NEK1: variants seen among roughly 807,000 people sequenced by gnomAD.
NEK1 encodes NIMA related kinase 1.
In NEK1, 137 loss-of-function variants were observed where a neutral mutation model predicts 182.1. The observed-to-expected ratio is 0.75, with a 90% CI of 0.65 to 0.87. The LOEUF is 0.87. NEK1 is among the 40% of genes least tolerant of loss of function. The pLI, the probability that NEK1 is intolerant of heterozygous loss-of-function variation, is 0.00. For missense variants in NEK1, 1,391 were observed against 1,494.4 expected, an observed-to-expected ratio of 0.93 and a Z score of 1.14; for synonymous variants, 513 against 492.2, an observed-to-expected ratio of 1.04 and a Z score of -0.56.
At chr4:169,449,395 T>G (rs1741267606) in intron 27 of NEK1, among the ~76,000 whole-genome samples, 1 of 152,196 alleles carries the variant, frequency 6.6e-6, no homozygotes, top group African/African-American at 2.4e-5. Context: ...CTGGGAGACA[T>G]CTCCCAGTAG....
intron 6 of NEK1, among the ~76,000 whole-genome samples, chr4:169,589,757 A>C (rs553355087): frequency 6.6e-6 from 1 of 152,170 alleles, no homozygotes; most frequent in Non-Finnish European, 1.5e-5. Context: ...CATAGGAATA[A>C]ATCTTCATGC....
At chr4:169,569,824 C>T (rs948731728) in intron 12 of NEK1, among the ~76,000 whole-genome samples, 1 of 152,162 alleles carries the variant, frequency 6.6e-6, no homozygotes, top group African/African-American at 2.4e-5. Context: ...AGTGCAGTGT[C>T]GTGATCTCGG....
intron 16 of NEK1, among the ~76,000 whole-genome samples, chr4:169,560,196 C>T (rs1762708308): frequency 6.6e-6 from 1 of 152,128 alleles, no homozygotes; most frequent in African/African-American, 2.4e-5. Context: ...AGGATCTCAC[C>T]AGGCAGAAAT....
intron 26 of NEK1, among the ~76,000 whole-genome samples, chr4:169,463,837 T>G (rs1250095469): frequency 6.6e-6 from 1 of 152,150 alleles, no homozygotes; most frequent in African/African-American, 2.4e-5. Flanking sequence ...CTCACTATGT[T>G]GCCCAGGCTA....
chr4:169,503,202 A>C (rs2149675972), intron 23 of NEK1, among the ~76,000 whole-genome samples: 1 of 152,314 alleles, frequency 6.6e-6, no homozygotes, highest in Admixed American at 6.5e-5. Context: ...GGAGAACTAC[A>C]AAACACTGAT....
intron 26 of NEK1, among the ~76,000 whole-genome samples, chr4:169,464,048 T>C (rs753910141): frequency 2.0e-5 from 3 of 152,114 alleles, no homozygotes; most frequent in Non-Finnish European, 4.4e-5. Flanking sequence ...CAGAAAGCAA[T>C]AGTGTCACTG....
chr4:169,444,505 A>G (rs1306094551), intron 27 of NEK1, among the ~76,000 whole-genome samples: 8 of 132,712 alleles, frequency 6.0e-5, no homozygotes, highest in Non-Finnish European at 1.2e-4. Context: ...CAAAAGCTGT[A>G]AAAAAAGACA....
Position 169,393,033 on chromosome 4 carries a change from AT to A in NEK1, c.*1476del, listed in dbSNP as rs974060137. ...CATCTTTTGAAATATGGCTAAAACA[AT>A]TTTTTTCTACCATATTATACCCTTT... On this transcript the variant is annotated 3_prime_UTR_variant, in exon 36 of 36. Transcript: ENST00000507142. The A allele has an allele frequency of 7.2e-5, 11 of 152,002 alleles. No individual in the cohort carries two copies. Among genetic ancestry groups the A allele is most frequent in the African/African-American group, 1.9e-4 (8 of 41,380 alleles). The allele number at this position is 152,002 out of a possible 1,614,324, so 9.4% of individuals were successfully genotyped here. A position where few individuals can be genotyped will look rare whatever the true frequency, so the allele number is the denominator to read the frequency against.
intron 19 of NEK1, among the ~76,000 whole-genome samples, chr4:169,531,163 C>T (rs757460369): frequency 6.6e-6 from 1 of 151,788 alleles, no homozygotes; most frequent in Non-Finnish European, 1.5e-5. Flanking sequence ...AATGTGGTAT[C>T]GTGGAAGAAG....
At chr4:169,604,034 G>C (rs762299917) in intron 2 of NEK1, among the ~76,000 whole-genome samples, 5 of 151,998 alleles carry the variant, frequency 3.3e-5, no homozygotes, top group Non-Finnish European at 7.4e-5. Context: ...TTTCTCTTTT[G>C]AACTATTCAT....
At chr4:169,495,794 T>C (rs1253162563) in intron 23 of NEK1, among the ~76,000 whole-genome samples, 2 of 152,244 alleles carry the variant, frequency 1.3e-5, no homozygotes, top group East Asian at 3.8e-4. Flanking sequence ...CATGCTGTTT[T>C]GGTTACTGTA....
At chr4:169,398,491 TA>T (rs1229464446) in intron 35 of NEK1, among the ~76,000 whole-genome samples, 1 of 152,206 alleles carries the variant, frequency 6.6e-6, no homozygotes, top group African/African-American at 2.4e-5. Context: ...TCTGAGCAAC[TA>T]AAATGTTTTG....
intron 18 of NEK1, among the ~76,000 whole-genome samples, chr4:169,540,024 A>T (rs919031173): frequency 6.6e-6 from 1 of 152,148 alleles, no homozygotes; most frequent in Admixed American, 6.6e-5. Context: ...ATTTATGCAT[A>T]TATAACACTA....
At chr4:169,493,264 G>C (rs1209299923) in intron 23 of NEK1, among the ~76,000 whole-genome samples, 1 of 152,054 alleles carries the variant, frequency 6.6e-6, no homozygotes, top group Non-Finnish European at 1.5e-5. Context: ...ATACATCACA[G>C]TTACACCTTC....
rs189186475 is a variant in NEK1 at position 169,562,196 on chromosome 4, C to T, written c.1021G>A (p.Ala341Thr). The T allele has an allele frequency of 3.0e-3, 4,543 of 1,527,934 alleles. 9 individuals carry two copies. Among genetic ancestry groups the T allele is most frequent in the Non-Finnish European group, 3.6e-3 (4,119 of 1,135,922 alleles). The allele number at this position is 1,527,934 out of a possible 1,614,324, so 94.6% of individuals were successfully genotyped here. ...ACTCTCTTCTCTGGAGTTTGATGGGCCTGGACAAAAAGTAAAACTACAAAT... is the reference window on the plus strand; with the variant it reads ...ACTCTCTTCTCTGGAGTTTGATGGGTCTGGACAAAAAGTAAAACTACAAAT... ...EKKPLQKHKQ[A>T]HQTPEKRVNT... Residue 341 changes from alanine (A) to threonine (T), a missense_variant and splice_region_variant, in exon 13 of 36, where the codon GCC becomes ACC. By Grantham distance (58) the Ala-to-Thr change is moderately conservative. Coordinates refer to ENST00000507142, the MANE Select transcript of NEK1 (RefSeq NM_001199397.3).
At chr4:169,603,335 CA>C (rs1329030467) in intron 2 of NEK1, among the ~76,000 whole-genome samples, 1 of 152,076 alleles carries the variant, frequency 6.6e-6, no homozygotes. Flanking sequence ...TTTATAACAA[CA>C]AAACACTGGT....
intron 18 of NEK1, among the ~76,000 whole-genome samples, chr4:169,546,188 T>C (rs1001579936): frequency 6.6e-6 from 1 of 152,222 alleles, no homozygotes; most frequent in African/African-American, 2.4e-5. Flanking sequence ...GTTGTGTCTT[T>C]GTTCTCATTG....
intron 26 of NEK1, among the ~76,000 whole-genome samples, chr4:169,464,572 T>G (rs990353662): frequency 1.3e-5 from 2 of 152,082 alleles, no homozygotes; most frequent in Non-Finnish European, 2.9e-5. Context: ...GTTTCAGATT[T>G]TGGGGCATTT....
intron 12 of NEK1, among the ~76,000 whole-genome samples, chr4:169,570,811 CTT>C (rs1459957075): frequency 6.6e-6 from 1 of 152,170 alleles, no homozygotes; most frequent in African/African-American, 2.4e-5. Context: ...ACATGGGAGA[CTT>C]TTCATTTTGT....
Sources: gnomAD v4.1 joint callset for allele counts (sites outside exome capture counted in the v4.1 genomes callset) on GRCh38, gnomAD v4.1.1 for gene constraint, MANE v1.5 for transcripts, NCBI Gene and HGNC (gene_info 2026-07-23, HGNC 2026-07-21) for gene names.